The following UNC13C variants were observed in gnomAD, a reference collection of about 807,000 sequenced individuals.
UNC13C encodes the protein unc-13 homolog C, also known as protein unc-13 homolog C.
Under a neutral mutation model 245.4 loss-of-function variants are expected in UNC13C, and 174 were observed. The ratio of observed to expected loss-of-function variants is 0.71; its 90% confidence interval spans 0.63 to 0.80. UNC13C has a LOEUF of 0.80. Among genes scored for constraint, UNC13C ranks in the 30% least tolerant of loss-of-function variants. UNC13C has a pLI of 0.00. For synonymous variants in UNC13C, 992 were observed against 895.1 expected (o/e 1.11, Z -1.93); for missense variants, 2,829 against 2,602.9 (o/e 1.09, Z -1.89).
the UNC13C span, among the ~76,000 whole-genome samples, chr15:53,944,400 C>G: frequency 3.9e-5 from 6 of 152,076 alleles, no homozygotes; most frequent in African/African-American, 1.4e-4. Flanking sequence ...TGATCCTTTC[C>G]CTCCTCCTGC....
At chr15:54,180,112 A>C (rs1289164302) in intron 4 of UNC13C, among the ~76,000 whole-genome samples, 3 of 152,150 alleles carry the variant, frequency 2.0e-5, no homozygotes, top group Admixed American at 2.0e-4. Context: ...TCCATCACCC[A>C]AGTACTGAAC....
At position 54,513,651 on chromosome 15, in the gene UNC13C, C is replaced by T. The variant is rs80347770; in HGVS notation, c.5457+1821C>T. On this transcript the variant is annotated intron_variant, in intron 24 of 32. Coordinates refer to ENST00000260323, the MANE Select transcript of UNC13C (RefSeq NM_001080534.3). ...GAAGAACATAATGAAAACAGAAATACTGAGCTTGGTACCTTCTTCCTTTAA... is the reference window on the plus strand; with the variant it reads ...GAAGAACATAATGAAAACAGAAATATTGAGCTTGGTACCTTCTTCCTTTAA... Among the ~76,000 whole-genome samples, 103 of 152,260 alleles carry T rather than the reference C, an allele frequency of 6.8e-4. 1 individual carries two copies. In the East Asian group the frequency reaches 0.019, roughly 28 times the overall value.
intron 8 of UNC13C, among the ~76,000 whole-genome samples, chr15:54,251,921 G>A (rs185937199): frequency 6.6e-6 from 1 of 152,246 alleles, no homozygotes; most frequent in Non-Finnish European, 1.5e-5. Context: ...TTGAGGCTGT[G>A]TTAATGGTAA....
intron 19 of UNC13C, among the ~76,000 whole-genome samples, chr15:54,477,428 T>A (rs1432926768): frequency 9.3e-6 from 1 of 107,226 alleles, no homozygotes. Context: ...CCATTCAGTA[T>A]GATATTGGCT....
chr15:54,250,496 ATC>A, intron 8 of UNC13C, 52 bp downstream of exon 8: 1 of 1,497,064 alleles, frequency 6.7e-7, no homozygotes, highest in Non-Finnish European at 9.0e-7. Flanking sequence ...GCCTTATTCC[ATC>A]TGTTTCATGT....
the UNC13C span, among the ~76,000 whole-genome samples, chr15:53,843,921 T>C: frequency 3.1e-4 from 47 of 152,282 alleles, no homozygotes; most frequent in Admixed American, 5.9e-4. Context: ...AGATAACTCA[T>C]TGAAGATTCA....
intron 1 of UNC13C, among the ~76,000 whole-genome samples, chr15:53,993,007 A>G (rs1303542339): frequency 6.6e-6 from 1 of 152,092 alleles, no homozygotes; most frequent in Admixed American, 6.6e-5. Flanking sequence ...ACACTGCTAT[A>G]ATACACCACG....
chr15:54,627,326 G>C lies in UNC13C; in HGVS notation c.*213G>C. The C allele has an allele frequency of 2.3e-6, 1 of 437,812 alleles. No individual in the cohort carries two copies. Among genetic ancestry groups the C allele is most frequent in the Non-Finnish European group, 4.0e-6 (1 of 248,236 alleles). The allele number at this position is 437,812 out of a possible 1,614,324, so 27.1% of individuals were successfully genotyped here. On this transcript the variant is annotated 3_prime_UTR_variant, in exon 33 of 33. Transcript: ENST00000260323. ...TGAAGTGCCAAAATTATGATGTAAA[G>C]TGAAATATCAAGAACACCTTTTAAC...
intron 17 of UNC13C, among the ~76,000 whole-genome samples, chr15:54,347,440 GA>G (rs1360401805): frequency 6.6e-5 from 10 of 152,088 alleles, no homozygotes; most frequent in Non-Finnish European, 1.5e-4. Context: ...GTTGTTTATT[GA>G]ATGACTACCT....
intron 10 of UNC13C, among the ~76,000 whole-genome samples, chr15:54,287,826 T>G (rs1418925910): frequency 2.6e-5 from 4 of 152,192 alleles, no homozygotes; most frequent in African/African-American, 7.2e-5. Context: ...ACCAACAACC[T>G]CTTTAGCTTC....
chr15:54,332,137 A>G (rs1238647646), intron 15 of UNC13C, 26 bp downstream of exon 15: 15 of 1,466,824 alleles, frequency 1.0e-5, no homozygotes, highest in Non-Finnish European at 1.4e-5. Context: ...CTTGCCTAAA[A>G]GAAAACTGTT....
chr15:54,401,779 C>A (rs76803457), intron 18 of UNC13C, among the ~76,000 whole-genome samples: 257 of 152,142 alleles, frequency 1.7e-3, no homozygotes, highest in Middle Eastern at 3.4e-3. Context: ...CCGGAAGGAG[C>A]ATCTTGTCTG....
chr15:53,884,491 C>A, the UNC13C span, among the ~76,000 whole-genome samples: 11 of 152,098 alleles, frequency 7.2e-5, no homozygotes, highest in African/African-American at 2.7e-4. Flanking sequence ...CCGTGCCCAG[C>A]TAATTTTTTG....
intron 4 of UNC13C, among the ~76,000 whole-genome samples, chr15:54,206,080 A>G (rs2034699515): frequency 6.6e-6 from 1 of 152,078 alleles, no homozygotes; most frequent in Admixed American, 6.6e-5. Flanking sequence ...ATTAATGCAT[A>G]AGAGATTGTG....
At chr15:53,882,717 A>G in the UNC13C span, among the ~76,000 whole-genome samples, 1 of 152,170 alleles carries the variant, frequency 6.6e-6, no homozygotes, top group South Asian at 2.1e-4. Flanking sequence ...GAGTAAAACC[A>G]GTGTATTCTT....
chr15:54,591,928 T>G (rs1281425155), intron 30 of UNC13C, among the ~76,000 whole-genome samples: 1 of 152,126 alleles, frequency 6.6e-6, no homozygotes, highest in Non-Finnish European at 1.5e-5. Context: ...TACAGGTGTT[T>G]AGGGTTATGA....
intron 2 of UNC13C, among the ~76,000 whole-genome samples, chr15:54,031,293 A>G (rs985395978): frequency 6.6e-6 from 1 of 152,250 alleles, no homozygotes; most frequent in African/African-American, 2.4e-5. Context: ...GCACGATCTC[A>G]GCTCACTGCA....
intron 4 of UNC13C, among the ~76,000 whole-genome samples, chr15:54,175,031 G>C (rs1176588939): frequency 2.0e-5 from 3 of 152,098 alleles, no homozygotes; most frequent in Non-Finnish European, 4.4e-5. Context: ...TGCTATCCCA[G>C]TGGTAGTGAG....
At chr15:53,967,320 AT>A in the UNC13C span, among the ~76,000 whole-genome samples, 443 of 112,914 alleles carry the variant, frequency 3.9e-3, 2 homozygotes, top group African/African-American at 0.01. Flanking sequence ...TAAGAGCACA[AT>A]TTTTTTTTTG....
Sources: allele counts gnomAD v4.1 joint callset (sites outside exome capture counted in the v4.1 genomes callset), GRCh38; gene constraint gnomAD v4.1.1; transcripts MANE v1.5; gene names NCBI Gene and HGNC (gene_info 2026-07-23, HGNC 2026-07-21).